The following FARS2 variants were observed in gnomAD, a reference collection of about 807,000 sequenced individuals.
The protein encoded by FARS2 is phenylalanine--tRNA ligase, mitochondrial.
A neutral mutation model predicts 46.4 loss-of-function variants in FARS2; 40 were observed. The observed-to-expected ratio is 0.86, with a 90% CI of 0.67 to 1.12. FARS2 has a LOEUF of 1.12. Among genes scored for constraint, FARS2 ranks in the 50% most tolerant of loss-of-function variants. The pLI is 0.00. For synonymous variants in FARS2, 234 were observed against 214.9 expected, an observed-to-expected ratio of 1.09 and a Z score of -0.78; for missense variants, 513 against 567.9, an observed-to-expected ratio of 0.90 and a Z score of 0.98.
chr6:5,375,933 A>G (rs1398148858), intron 2 of FARS2, among the ~76,000 whole-genome samples: 1 of 152,176 alleles, frequency 6.6e-6, no homozygotes, highest in East Asian at 1.9e-4. Context: ...GAATTCTTGA[A>G]CAAGAAAAAT....
chr6:5,515,277 A>G (rs922647208), intron 4 of FARS2, among the ~76,000 whole-genome samples: 12 of 152,200 alleles, frequency 7.9e-5, no homozygotes, highest in Admixed American at 2.6e-4. Flanking sequence ...ACTCTTGCCA[A>G]TAGGAATTTC....
At chr6:5,362,007 AC>A (rs764028830) in intron 1 of FARS2, among the ~76,000 whole-genome samples, 71 of 152,328 alleles carry the variant, frequency 4.7e-4, no homozygotes, top group Non-Finnish European at 8.1e-4. Context: ...AAGAATGCTT[AC>A]AGCATTCTGA....
intron 2 of FARS2, among the ~76,000 whole-genome samples, chr6:5,376,621 C>A (rs200865522): frequency 6.6e-6 from 1 of 152,132 alleles, no homozygotes; most frequent in East Asian, 1.9e-4. Context: ...TTAACATAAA[C>A]GATCTAGAGG....
chr6:5,410,625 G>GTAATTA (rs1426805741), intron 3 of FARS2, among the ~76,000 whole-genome samples: 8 of 152,124 alleles, frequency 5.3e-5, no homozygotes, highest in African/African-American at 1.9e-4. Flanking sequence ...ATTAATAATA[G>GTAATTA]CAATAATAAT....
At position 5,522,077 on chromosome 6, in the gene FARS2, G is replaced by A. The variant is rs149290144; in HGVS notation, c.905-23103G>A. 3.6e-3 allele frequency among the ~76,000 whole-genome samples: 541 copies of A among 152,322 alleles called. 2 individuals carry two copies. The highest frequency in any genetic ancestry group is 0.012 in the African/African-American group (515 of 41,574). Reference sequence around the variant, plus strand: ...AGTCAGGATAGTCTAGGCCGCTTCTGTGCTAACAGATAAACCCCTTGAAAT... The same window carrying A: ...AGTCAGGATAGTCTAGGCCGCTTCTATGCTAACAGATAAACCCCTTGAAAT... On this transcript the variant is annotated intron_variant, in intron 4 of 6. Transcript: ENST00000274680.
chr6:5,641,795 C>A (rs1439062412), intron 6 of FARS2, among the ~76,000 whole-genome samples: 3 of 152,194 alleles, frequency 2.0e-5, no homozygotes, highest in Non-Finnish European at 2.9e-5. Flanking sequence ...ATCTCATACA[C>A]CGAGGCCTCT....
chr6:5,526,648 C>T (rs183129772), intron 4 of FARS2, among the ~76,000 whole-genome samples: 14 of 151,788 alleles, frequency 9.2e-5, no homozygotes, highest in Admixed American at 2.6e-4. Context: ...GATGGAGTTT[C>T]GCTCTTGTTG....
intron 4 of FARS2, among the ~76,000 whole-genome samples, chr6:5,527,039 A>G (rs542636915): frequency 2.8e-5 from 4 of 142,294 alleles, no homozygotes; most frequent in East Asian, 3.9e-4. Context: ...CTCCACACTC[A>G]GGAAGGAATC....
intron 3 of FARS2, among the ~76,000 whole-genome samples, chr6:5,405,480 C>CTTTTTTTGTTTTTTTTTTTTTTTT (rs765851968): frequency 1.7e-5 from 1 of 58,946 alleles, no homozygotes; most frequent in Non-Finnish European, 3.1e-5. Context: ...GAGCAAGGTT[C>CTTTTTTTGTTTTTTTTTTTTTTTT]TTTTTTTTTT....
Position 5,723,473 on chromosome 6 carries a change from G to C in FARS2, c.1218-47818G>C, listed in dbSNP as rs553038963. 2.6e-5 allele frequency among the ~76,000 whole-genome samples: 4 copies of C among 152,134 alleles called. No individual in the cohort carries two copies. In the East Asian group the frequency reaches 7.7e-4, roughly 29 times the overall value. On this transcript the variant is annotated intron_variant, in intron 6 of 6. Transcript: ENST00000274680. ...CTTCATCTTCTTCATCTATGATGTG[G>C]AATAATTGCAGGATCCGCTCATAGG... is the stretch of plus-strand genomic sequence containing the variant.
At chr6:5,553,053 A>G (rs111933918) in intron 5 of FARS2, among the ~76,000 whole-genome samples, 4 of 152,360 alleles carry the variant, frequency 2.6e-5, no homozygotes, top group African/African-American at 9.6e-5. Flanking sequence ...TTTTACTTAC[A>G]GATTTTATTA....
chr6:5,603,831 A>G (rs1004542957), intron 5 of FARS2, among the ~76,000 whole-genome samples: 2 of 152,190 alleles, frequency 1.3e-5, no homozygotes, highest in African/African-American at 4.8e-5. Flanking sequence ...TAGGACTCCC[A>G]CATTATCTTT....
chr6:5,668,305 T>C (rs1778247629), intron 6 of FARS2, among the ~76,000 whole-genome samples: 1 of 152,208 alleles, frequency 6.6e-6, no homozygotes, highest in Non-Finnish European at 1.5e-5. Context: ...AAATATTTAA[T>C]TTATTGTCAC....
chr6:5,769,719 G>A (rs571244153), intron 6 of FARS2, among the ~76,000 whole-genome samples: 12 of 152,286 alleles, frequency 7.9e-5, no homozygotes, highest in African/African-American at 1.7e-4. Context: ...ATGTGCTATC[G>A]GGAATCCCCA....
At chr6:5,485,496 G>C (rs186032946) in intron 4 of FARS2, among the ~76,000 whole-genome samples, 1 of 135,452 alleles carries the variant, frequency 7.4e-6, no homozygotes, top group Non-Finnish European at 1.6e-5. Context: ...AAGTGGGGGG[G>C]ACTGGGCTTG....
chr6:5,318,174 T>C (rs190119232), intron 1 of FARS2, among the ~76,000 whole-genome samples: 94 of 151,894 alleles, frequency 6.2e-4, no homozygotes, highest in African/African-American at 2.2e-3. Flanking sequence ...GCCTGGCCAA[T>C]ATGGTGAAAC....
chr6:5,591,512 T>C (rs2150604473), intron 5 of FARS2, among the ~76,000 whole-genome samples: 1 of 152,388 alleles, frequency 6.6e-6, no homozygotes, highest in Admixed American at 6.5e-5. Flanking sequence ...CTCCTCGAGA[T>C]ATGGGCGATC....
chr6:5,612,111 G>C (rs552347985), intron 5 of FARS2, among the ~76,000 whole-genome samples: 3 of 151,990 alleles, frequency 2.0e-5, no homozygotes, highest in East Asian at 1.9e-4. Flanking sequence ...GCTAACTATC[G>C]TGTTTGTATG....
At chr6:5,298,224 GTCAC>G (rs1038052016) in intron 1 of FARS2, among the ~76,000 whole-genome samples, 13 of 152,334 alleles carry the variant, frequency 8.5e-5, no homozygotes, top group African/African-American at 3.1e-4. Flanking sequence ...GTCACTTCAT[GTCAC>G]TCTCTGTCTC....
Sources: allele counts gnomAD v4.1 joint callset (sites outside exome capture counted in the v4.1 genomes callset), GRCh38; gene constraint gnomAD v4.1.1; transcripts MANE v1.5; gene names NCBI Gene and HGNC (gene_info 2026-07-23, HGNC 2026-07-21).